Variants in NSD1 observed in about 807,000 individuals in gnomAD.
NSD1 encodes the protein histone-lysine N-methyltransferase, H3 lysine-36 specific.
A neutral mutation model predicts 242.7 loss-of-function variants in NSD1; 26 were observed. That is an observed-to-expected ratio of 0.11 (90% CI 0.08 to 0.15). The LOEUF is 0.15. Ranked by LOEUF, NSD1 falls within the 10% of genes least tolerant of loss-of-function variation. The pLI, the probability that NSD1 is intolerant of heterozygous loss-of-function variation, is 1.00. For synonymous variants in NSD1, 1,106 were observed against 1,178.1 expected (o/e 0.94, Z 1.25); for missense variants, 2,495 against 3,272.8 (o/e 0.76, Z 5.80).
chr5:177,218,331 G>C (rs919129559), intron 5 of NSD1, among the ~76,000 whole-genome samples: 1 of 152,126 alleles, frequency 6.6e-6, no homozygotes, highest in African/African-American at 2.4e-5. Context: ...TTACAGGTGT[G>C]AGCCACCATA....
intron 14 of NSD1, among the ~76,000 whole-genome samples, chr5:177,264,227 AG>A (rs1447759370): frequency 6.6e-5 from 10 of 151,660 alleles, no homozygotes; most frequent in Non-Finnish European, 1.5e-5. Flanking sequence ...AGTAGAGATG[AG>A]GCAATATTTT....
chr5:177,212,461 TTCTCTCTCTCTCTTTCTC>T (rs1364275307), intron 5 of NSD1, among the ~76,000 whole-genome samples: 1 of 145,820 alleles, frequency 6.9e-6, no homozygotes, highest in African/African-American at 2.6e-5. Flanking sequence ...CTTTCTCACT[TTCTCTCTCTCTCTTTCTC>T]TCTCTCTCTT....
In NSD1 at chr5:177,295,177, C is replaced by T. The variant is rs769301382; in HGVS notation, c.7809C>T (p.Leu2603=). ...AGAGTGGGCAATCTTTTAGGTCTCT[C>T]GGGAAGGCCCCAGCCTCCCTCCCCA... ...AAKSGQSFRS[L]GKAPASLPTE... is the part of the protein sequence containing the mutation. The change falls in exon 23 of 23, where the codon CTC becomes CTT. Residue 2603 remains leucine, a synonymous_variant. Coordinates refer to ENST00000439151, the MANE Select transcript of NSD1 (RefSeq NM_022455.5). The surrounding 1 kb of genome is among the most constrained non-coding windows in gnomAD (Gnocchi z 4.3). 4 of 1,614,186 alleles carry T rather than the reference C, an allele frequency of 2.5e-6. No homozygotes were observed. The highest frequency in any genetic ancestry group is 2.2e-5 in the East Asian group (1 of 44,882).
chr5:177,164,607 A>G (rs1054138369), intron 2 of NSD1, among the ~76,000 whole-genome samples: 1 of 152,196 alleles, frequency 6.6e-6, no homozygotes, highest in Admixed American at 6.6e-5. Flanking sequence ...GCTTCATTCA[A>G]AAAATAGTTT....
chr5:177,168,498 C>T (rs554148868), intron 2 of NSD1, among the ~76,000 whole-genome samples: 78 of 142,916 alleles, frequency 5.5e-4, no homozygotes, highest in African/African-American at 1.9e-3. Context: ...CTCACTTTGT[C>T]GCCCAGGCTG....
intron 16 of NSD1, 85 bp from the exon 17 acceptor site, chr5:177,273,587 A>C (rs1758117826): frequency 9.3e-7 from 1 of 1,076,986 alleles, no homozygotes; most frequent in Non-Finnish European, 1.4e-6. Context: ...TCTCCAACTT[A>C]AAGGGGAAAA....
At chr5:177,265,727 A>G (rs1031348548) in intron 14 of NSD1, 1 of 1,585,910 alleles carries the variant, frequency 6.3e-7, no homozygotes, top group African/African-American at 1.3e-5. Context: ...GTAGTCCTCC[A>G]TGTAGAACAC....
intron 14 of NSD1, among the ~76,000 whole-genome samples, chr5:177,264,233 T>C (rs1382869129): frequency 6.6e-6 from 1 of 151,960 alleles, no homozygotes; most frequent in Non-Finnish European, 1.5e-5. Flanking sequence ...GATGAGGCAA[T>C]ATTTTTAATA....
intron 6 of NSD1, among the ~76,000 whole-genome samples, chr5:177,236,890 A>G (rs1765490764): frequency 6.6e-6 from 1 of 152,228 alleles, no homozygotes; most frequent in South Asian, 2.1e-4. Context: ...GCTGGAGTGC[A>G]GAGATGCACG....
chr5:177,162,297 TA>T (rs546547200), intron 2 of NSD1, among the ~76,000 whole-genome samples: 4,412 of 141,924 alleles, frequency 0.031, 191 homozygotes, highest in African/African-American at 0.098. Context: ...GACTCGGTCT[TA>T]AAAAAAAAAA....
At chr5:177,136,977 A>G (rs560628660) in intron 2 of NSD1, 101 of 681,402 alleles carry the variant, frequency 1.5e-4, no homozygotes, top group Non-Finnish European at 1.6e-4. Flanking sequence ...TGAAGTGTGT[A>G]TGTGTATGTG....
rs377292456 is a variant in NSD1, at chr5:177,200,099, TTTTTG to T, written c.1064-4008_1064-4004del. 4.2e-3 allele frequency among the ~76,000 whole-genome samples: 637 copies of T among 152,174 alleles called. 3 individuals are homozygous for T. Among genetic ancestry groups the T allele is most frequent in the African/African-American group, 0.014 (581 of 41,480 alleles). On this transcript the variant is annotated intron_variant, in intron 3 of 22. Transcript: ENST00000439151. ...GACAAAACATAAATTTAATGTTTTT[TTTTTG>T]TTTTGTTTTGTTGAGATAGAGTCCT...
chr5:177,242,174 C>T (rs1324449089), intron 8 of NSD1, among the ~76,000 whole-genome samples: 1 of 151,938 alleles, frequency 6.6e-6, no homozygotes, highest in East Asian at 1.9e-4. Context: ...TATTCTCTGA[C>T]TGTAGTTTGG....
At chr5:177,288,560 A>G (rs1327418017) in intron 20 of NSD1, 2 of 409,432 alleles carry the variant, frequency 4.9e-6, no homozygotes, top group Admixed American at 3.8e-5. Context: ...AAACAAATGA[A>G]AAACAACTTG....
rs57206832 is a variant in NSD1 at position 177,158,821 on chromosome 5, C to CAAAAAAAAAAAAAAAAA, written c.927+22805_927+22806insAAAAAAAAAAAAAAAAA. Among the ~76,000 whole-genome samples, 89 of 80,274 alleles carry CAAAAAAAAAAAAAAAAA rather than the reference C, an allele frequency of 1.1e-3. 1 individual carries two copies. The highest frequency in any genetic ancestry group is 1.8e-3 in the Non-Finnish European group (76 of 41,956). 52.7% of individuals were successfully genotyped at this position (80,274 alleles called of 152,430 possible). A position where few individuals can be genotyped will look rare whatever the true frequency, so the allele number is the denominator to read the frequency against. ...TAGGTGATGAAGTGAGACTTCATCT[C>CAAAAAAAAAAAAAAAAA]AAAAAAAAAAAAAAGGAAGTAATGG... On this transcript the variant is annotated intron_variant, in intron 2 of 22. Transcript: ENST00000439151.
chr5:177,260,193 T>C (rs1466438735), intron 14 of NSD1, 25 bp downstream of exon 14: 3 of 1,608,058 alleles, frequency 1.9e-6, no homozygotes, highest in Middle Eastern at 1.7e-4. Flanking sequence ...CTTCCTCTAT[T>C]TGTAGTCTAA....
chr5:177,211,506 C>G lies in NSD1; in HGVS notation c.3107C>G (p.Ala1036Gly). The G allele has an allele frequency of 6.2e-7, 1 of 1,614,050 alleles. No individual in the cohort carries two copies. The highest frequency in any genetic ancestry group is 8.5e-7 in the Non-Finnish European group (1 of 1,180,016). The change falls in exon 5 of 23, where the codon GCC becomes GGC. Residue 1036 changes from alanine (A) to glycine (G), a missense_variant. By Grantham distance (60) the Ala-to-Gly change is moderately conservative. Around this residue, in one of 19 missense-constraint regions of NSD1, gnomAD observed 426 missense variants for 411.4 expected, o/e 1.04. Transcript: ENST00000439151. ...TCCAAATTGCGAGATGCTTTTTCAG[C>G]CCAAATGGTAAAGAACACAGTGAAC... ...PSSKLRDAFS[A>G]QMVKNTVNRK...
intron 12 of NSD1, 117 bp downstream of exon 12, chr5:177,251,970 T>C (rs1245806653): frequency 2.3e-6 from 3 of 1,282,034 alleles, no homozygotes; most frequent in East Asian, 2.4e-5. Context: ...GTTACAGATA[T>C]AGAAATGGTG....
intron 14 of NSD1, chr5:177,265,567 G>A: frequency 9.0e-7 from 1 of 1,112,958 alleles, no homozygotes; most frequent in South Asian, 1.3e-5. Flanking sequence ...GGAGAGCCGG[G>A]CCTCAGCACA....
Sources: allele counts gnomAD v4.1 joint callset (sites outside exome capture counted in the v4.1 genomes callset), GRCh38; gene constraint gnomAD v4.1.1; regional missense constraint gnomAD v4.1.1; non-coding constraint Gnocchi (gnomAD v3.1); transcripts MANE v1.5; gene names NCBI Gene and HGNC (gene_info 2026-07-23, HGNC 2026-07-21).